GPC6: variants seen among roughly 807,000 people sequenced by gnomAD.
GPC6 encodes glypican-6.
Under a neutral mutation model 55.2 loss-of-function variants are expected in GPC6, and 14 were observed. The ratio of observed to expected loss-of-function variants is 0.25; its 90% CI spans 0.17 to 0.40. The LOEUF (loss-of-function observed/expected upper bound fraction) is 0.40, where lower values mean the gene tolerates loss of function less well. Ranked by LOEUF, GPC6 falls within the 10% of genes least tolerant of loss-of-function variation. The pLI is 1.00. For synonymous variants in GPC6, 278 were observed against 259.6 expected (o/e 1.07, Z -0.68); for missense variants, 641 against 708.5 (o/e 0.90, Z 1.08).
chr13:93,891,478 G>T (rs1363004219), intron 3 of GPC6, among the ~76,000 whole-genome samples: 1 of 151,994 alleles, frequency 6.6e-6, no homozygotes, highest in East Asian at 1.9e-4. Flanking sequence ...AGAAAGATTT[G>T]CTCAATCAAG....
chr13:93,932,394 G>C (rs1878221624), intron 3 of GPC6, among the ~76,000 whole-genome samples: 1 of 152,060 alleles, frequency 6.6e-6, no homozygotes, highest in South Asian at 2.1e-4. Context: ...ATTCTAGATT[G>C]ATGTGGAAAT....
rs141352193 is a variant in GPC6 at position 94,291,029 on chromosome 13, T to A, written c.1008+4550T>A. 1.2e-3 allele frequency among the ~76,000 whole-genome samples: 182 copies of A among 152,208 alleles called. 1 individual carries two copies. In the East Asian group the frequency reaches 0.032, roughly 27 times the overall value. On this transcript the variant is annotated intron_variant, in intron 5 of 8. Coordinates refer to ENST00000377047, the MANE Select transcript of GPC6 (RefSeq NM_005708.5). ...CAATATGGCGAAACCCCGTCTCTAC[T>A]AAAACTACAAAAATTAGCTAAGCAT...
intron 4 of GPC6, among the ~76,000 whole-genome samples, chr13:94,166,119 G>A (rs79891445): frequency 0.021 from 3,220 of 152,178 alleles, 116 homozygotes; most frequent in African/African-American, 0.073. Context: ...TCGATAATGG[G>A]ATCCCTACCT....
Position 93,362,745 on chromosome 13 carries a change from G to A in GPC6, c.160+135129G>A, listed in dbSNP as rs555536886. 2.6e-5 allele frequency among the ~76,000 whole-genome samples: 4 copies of A among 152,122 alleles called. No homozygotes were observed. The South Asian group carries it at 8.3e-4, about 32-fold the overall frequency. Reference sequence around the variant, plus strand: ...TACATAGGAAAAGTCATTTTCTGATGTTCTAACTTGCTTTACTAATCTTCA... The same window carrying A: ...TACATAGGAAAAGTCATTTTCTGATATTCTAACTTGCTTTACTAATCTTCA... On this transcript the variant is annotated intron_variant, in intron 1 of 8. Transcript: ENST00000377047.
At chr13:93,811,658 G>C (rs1886697963) in intron 2 of GPC6, among the ~76,000 whole-genome samples, 1 of 151,984 alleles carries the variant, frequency 6.6e-6, no homozygotes, top group African/African-American at 2.4e-5. Context: ...GATTGAGGCA[G>C]AGTCAGCTTT....
intron 2 of GPC6, among the ~76,000 whole-genome samples, chr13:93,611,986 G>C (rs973637655): frequency 6.6e-6 from 1 of 152,074 alleles, no homozygotes; most frequent in Non-Finnish European, 1.5e-5. Context: ...CATTGCCAGA[G>C]TAGCTACAAA....
intron 3 of GPC6, among the ~76,000 whole-genome samples, chr13:93,884,321 T>C (rs1875192478): frequency 1.3e-5 from 2 of 152,160 alleles, no homozygotes; most frequent in Admixed American, 1.3e-4. Flanking sequence ...TTCTGTAGAA[T>C]ATGTAGAATG....
At chr13:93,743,027 G>A (rs149596745) in intron 2 of GPC6, among the ~76,000 whole-genome samples, 313 of 152,272 alleles carry the variant, frequency 2.1e-3, no homozygotes, top group Admixed American at 4.4e-3. Flanking sequence ...CAGGAAAAAC[G>A]TGGAGGTACA....
intron 4 of GPC6, among the ~76,000 whole-genome samples, chr13:94,206,871 C>A (rs1428430447): frequency 1.3e-5 from 2 of 152,022 alleles, no homozygotes. Context: ...AAATAAAAAA[C>A]AAGATAGTAA....
chr13:93,353,063 T>G (rs1880688730), intron 1 of GPC6, among the ~76,000 whole-genome samples: 1 of 152,312 alleles, frequency 6.6e-6, no homozygotes, highest in South Asian at 2.1e-4. Context: ...ATATTGCATG[T>G]ACTTCTTTAC....
intron 4 of GPC6, among the ~76,000 whole-genome samples, chr13:94,158,812 A>G (rs766452657): frequency 7.9e-5 from 12 of 152,196 alleles, no homozygotes; most frequent in Non-Finnish European, 1.3e-4. Context: ...TGCTACTACA[A>G]TCTTGGGCAT....
chr13:94,330,478 A>AAAGC (rs1165759428), intron 6 of GPC6, among the ~76,000 whole-genome samples: 1 of 152,212 alleles, frequency 6.6e-6, no homozygotes, highest in Non-Finnish European at 1.5e-5. Context: ...AAAGCTTCCT[A>AAAGC]AAGCATGTCC....
chr13:93,893,284 C>T (rs1240370501), intron 3 of GPC6, among the ~76,000 whole-genome samples: 2 of 152,208 alleles, frequency 1.3e-5, no homozygotes, highest in East Asian at 3.9e-4. Context: ...CCCTCAAACT[C>T]CTGACCTCAG....
chr13:93,794,089 C>T (rs1293264054), intron 2 of GPC6, among the ~76,000 whole-genome samples: 1 of 152,202 alleles, frequency 6.6e-6, no homozygotes, highest in Non-Finnish European at 1.5e-5. Context: ...TAGCCCAAGA[C>T]TATCAAAAGC....
At chr13:93,799,776 C>G (rs1313221489) in intron 2 of GPC6, among the ~76,000 whole-genome samples, 1 of 152,186 alleles carries the variant, frequency 6.6e-6, no homozygotes, top group Non-Finnish European at 1.5e-5. Flanking sequence ...AAACCAAAGT[C>G]TGACCTTATC....
chr13:93,601,077 GA>G lies in GPC6; in HGVS notation c.319+55660del. Among the ~76,000 whole-genome samples the G allele has an allele frequency of 5.9e-5, 9 of 151,890 alleles. 1 individual carries two copies. Among genetic ancestry groups the G allele is most frequent in the African/African-American group, 2.2e-4 (9 of 41,436 alleles). ...TCTTCACTAGAGGAAAAGACGAGGG[GA>G]AAACAGGAGCTTAAAAGAATTAAAA... is the stretch of plus-strand genomic sequence containing the variant. On this transcript the variant is annotated intron_variant, in intron 2 of 8. Transcript: ENST00000377047.
chr13:94,164,243 A>T (rs1888269704), intron 4 of GPC6, among the ~76,000 whole-genome samples: 3 of 152,218 alleles, frequency 2.0e-5, no homozygotes. Flanking sequence ...TACATAGCAC[A>T]TTCCCAGTAA....
At chr13:93,375,875 A>G (rs1412445025) in intron 1 of GPC6, among the ~76,000 whole-genome samples, 1 of 152,214 alleles carries the variant, frequency 6.6e-6, no homozygotes, top group Non-Finnish European at 1.5e-5. Context: ...AAGCAAGAGG[A>G]AAATATATAA....
At chr13:94,211,180 G>A (rs1890065818) in intron 4 of GPC6, among the ~76,000 whole-genome samples, 1 of 152,050 alleles carries the variant, frequency 6.6e-6, no homozygotes, top group South Asian at 2.1e-4. Flanking sequence ...GTTTTGTTTT[G>A]TTTTCTGCAC....
Sources: gnomAD v4.1 joint callset for allele counts (sites outside exome capture counted in the v4.1 genomes callset) on GRCh38, gnomAD v4.1.1 for gene constraint, MANE v1.5 for transcripts, NCBI Gene and HGNC (gene_info 2026-07-23, HGNC 2026-07-21) for gene names.